The following BCKDHB variants were observed in gnomAD, a reference collection of about 807,000 sequenced individuals.
BCKDHB encodes branched chain keto acid dehydrogenase E1 subunit beta.
BCKDHB carries 41 observed loss-of-function variants against 48.5 expected under a neutral mutation model. That is an observed-to-expected ratio of 0.85 (90% CI 0.66 to 1.10). The LOEUF (loss-of-function observed/expected upper bound fraction) is 1.10, where lower values mean the gene tolerates loss of function less well. BCKDHB is among the 50% of genes least tolerant of loss of function. The pLI is 0.00. For synonymous variants in BCKDHB, 201 were observed against 174.8 expected, an observed-to-expected ratio of 1.15 and a Z score of -1.18; for missense variants, 496 against 494.2, an observed-to-expected ratio of 1.00 and a Z score of -0.03.
At chr6:80,450,416 G>A in the BCKDHB span, among the ~76,000 whole-genome samples, 2 of 152,084 alleles carry the variant, frequency 1.3e-5, no homozygotes, top group Non-Finnish European at 2.9e-5. Flanking sequence ...ACAAGATCGT[G>A]GATCCTAGCA....
intron 8 of BCKDHB, among the ~76,000 whole-genome samples, chr6:80,235,555 A>T (rs2127899105): frequency 6.6e-6 from 1 of 152,338 alleles, no homozygotes; most frequent in East Asian, 1.9e-4. Context: ...CTGAGCTGGG[A>T]CTAAAAATCT....
At chr6:80,233,510 C>G (rs545389118) in intron 8 of BCKDHB, among the ~76,000 whole-genome samples, 1 of 152,168 alleles carries the variant, frequency 6.6e-6, no homozygotes, top group South Asian at 2.1e-4. Context: ...TTCTTTCTCT[C>G]TGGATCGATA....
chr6:80,330,855 C>T (rs1426598255), intron 9 of BCKDHB, among the ~76,000 whole-genome samples: 1 of 152,166 alleles, frequency 6.6e-6, no homozygotes. Context: ...CAGACCTACA[C>T]ACCCAACCCA....
intron 1 of BCKDHB, among the ~76,000 whole-genome samples, chr6:80,107,518 T>TATATGCATGC: frequency 8.2e-6 from 1 of 121,686 alleles, no homozygotes; most frequent in South Asian, 2.5e-4. Flanking sequence ...TGTGCGCATA[T>TATATGCATGC]ATATATATAT....
chr6:80,374,439 G>C, the BCKDHB span: 2 of 765,016 alleles, frequency 2.6e-6, no homozygotes, highest in Non-Finnish European at 4.9e-6. Context: ...ATATTTTGTG[G>C]CTTTTCATAT....
intron 8 of BCKDHB, among the ~76,000 whole-genome samples, chr6:80,238,750 C>T (rs530301983): frequency 1.6e-5 from 2 of 125,812 alleles, no homozygotes; most frequent in East Asian, 2.9e-4. Context: ...TCCCTCCCCC[C>T]TCCTCCCATC....
At chr6:80,451,025 C>G in the BCKDHB span, among the ~76,000 whole-genome samples, 5 of 152,112 alleles carry the variant, frequency 3.3e-5, no homozygotes, top group East Asian at 7.7e-4. Flanking sequence ...AAAAATAAAA[C>G]CTGGTTATTT....
intron 1 of BCKDHB, among the ~76,000 whole-genome samples, chr6:80,111,825 A>G (rs941691702): frequency 4.6e-5 from 7 of 152,204 alleles, no homozygotes; most frequent in Non-Finnish European, 7.3e-5. Flanking sequence ...AATAGACAGG[A>G]AACCATCTCT....
chr6:80,121,839 C>A (rs568452798), intron 1 of BCKDHB, among the ~76,000 whole-genome samples: 8 of 152,062 alleles, frequency 5.3e-5, no homozygotes, highest in African/African-American at 1.9e-4. Flanking sequence ...AATTGAAAAC[C>A]CTTTATTTGT....
At chr6:80,292,254 A>G (rs1423584990) in intron 9 of BCKDHB, among the ~76,000 whole-genome samples, 3 of 152,220 alleles carry the variant, frequency 2.0e-5, no homozygotes, top group Non-Finnish European at 2.9e-5. Flanking sequence ...GTATTAGTCT[A>G]TTCTCACACT....
intron 8 of BCKDHB, among the ~76,000 whole-genome samples, chr6:80,221,451 T>G (rs1775448635): frequency 6.6e-6 from 1 of 152,218 alleles, no homozygotes; most frequent in Non-Finnish European, 1.5e-5. Context: ...TGCATTTTCT[T>G]ATTTTTTAAT....
the BCKDHB span, among the ~76,000 whole-genome samples, chr6:80,425,033 G>A: frequency 2.0e-5 from 3 of 152,176 alleles, no homozygotes; most frequent in African/African-American, 7.2e-5. Context: ...CAAAATTATA[G>A]ATGACTGTCT....
At chr6:80,294,559 C>T (rs1162230726) in intron 9 of BCKDHB, among the ~76,000 whole-genome samples, 1 of 152,144 alleles carries the variant, frequency 6.6e-6, no homozygotes. Flanking sequence ...ATTTTCCTAG[C>T]AAGGAATATT....
chr6:80,246,486 C>T (rs1296296898), intron 8 of BCKDHB, among the ~76,000 whole-genome samples: 1 of 152,202 alleles, frequency 6.6e-6, no homozygotes, highest in Non-Finnish European at 1.5e-5. Flanking sequence ...TTCATGCTTA[C>T]TAGCCCCCTT....
intron 1 of BCKDHB, among the ~76,000 whole-genome samples, chr6:80,114,641 A>G (rs1411810784): frequency 3.9e-5 from 6 of 152,304 alleles, no homozygotes; most frequent in Non-Finnish European, 8.8e-5. Flanking sequence ...AAGATACCTC[A>G]CTGGTTTGTG....
chr6:80,234,843 A>ATG (rs1776082768), intron 8 of BCKDHB, among the ~76,000 whole-genome samples: 1 of 151,970 alleles, frequency 6.6e-6, no homozygotes, highest in Non-Finnish European at 1.5e-5. Context: ...ATATATATAT[A>ATG]TTAGACTATT....
At chr6:80,326,790 C>T (rs1562231816) in intron 9 of BCKDHB, among the ~76,000 whole-genome samples, 1 of 152,018 alleles carries the variant, frequency 6.6e-6, no homozygotes, top group African/African-American at 2.4e-5. Flanking sequence ...TGCTTGAACC[C>T]AGGAGGCAGA....
At chr6:80,267,293 C>T (rs773628143) in intron 8 of BCKDHB, among the ~76,000 whole-genome samples, 79 of 152,054 alleles carry the variant, frequency 5.2e-4, no homozygotes, top group Admixed American at 2.0e-3. Flanking sequence ...TATTACTGTA[C>T]TTGATTCTTG....
intron 8 of BCKDHB, among the ~76,000 whole-genome samples, chr6:80,238,537 G>A (rs937020953): frequency 7.9e-5 from 12 of 152,056 alleles, no homozygotes; most frequent in Admixed American, 7.2e-4. Flanking sequence ...ACTCTCCAGC[G>A]CAGCCAAGTG....
Sources: allele counts gnomAD v4.1 joint callset (sites outside exome capture counted in the v4.1 genomes callset), GRCh38; gene constraint gnomAD v4.1.1; transcripts MANE v1.5; gene names NCBI Gene and HGNC (gene_info 2026-07-23, HGNC 2026-07-21).